NLGN1: variants seen among roughly 807,000 people sequenced by gnomAD.
NLGN1 encodes neuroligin-1.
Under a neutral mutation model 65.5 loss-of-function variants are expected in NLGN1, and 12 were observed. The ratio of observed to expected loss-of-function variants is 0.18; its 90% CI spans 0.12 to 0.30. NLGN1 has a LOEUF of 0.30. NLGN1 is among the 10% of genes least tolerant of loss of function. The probability of loss-of-function intolerance (pLI) is 1.00; values close to 1 mark genes in which losing one functional copy is unlikely to be tolerated. For synonymous variants in NLGN1, 350 were observed against 359.5 expected (o/e 0.97, Z 0.30); for missense variants, 750 against 1,007.1 (o/e 0.74, Z 3.46).
intron 4 of NLGN1, among the ~76,000 whole-genome samples, chr3:174,169,332 A>G (rs1240729438): frequency 6.6e-6 from 1 of 152,096 alleles, no homozygotes; most frequent in East Asian, 1.9e-4. Context: ...CACCACATCT[A>G]TGCTTAGGAA....
At chr3:173,946,591 A>G (rs1389006354) in intron 4 of NLGN1, among the ~76,000 whole-genome samples, 2 of 152,198 alleles carry the variant, frequency 1.3e-5, no homozygotes, top group Non-Finnish European at 1.5e-5. Context: ...TTTTTAGTAT[A>G]GATACCTAGC....
At chr3:173,778,549 A>G (rs1578387787) in intron 3 of NLGN1, among the ~76,000 whole-genome samples, 1 of 151,992 alleles carries the variant, frequency 6.6e-6, no homozygotes. Flanking sequence ...TTAAAAATGA[A>G]TTTTTGCCAT....
At chr3:174,131,706 C>T (rs1360569243) in intron 4 of NLGN1, among the ~76,000 whole-genome samples, 1 of 152,144 alleles carries the variant, frequency 6.6e-6, no homozygotes, top group Non-Finnish European at 1.5e-5. Flanking sequence ...CACTACCTTT[C>T]AGGGTGGCTA....
chr3:174,181,562 T>TA (rs1561232146), intron 4 of NLGN1, among the ~76,000 whole-genome samples: 1 of 152,120 alleles, frequency 6.6e-6, no homozygotes, highest in East Asian at 1.9e-4. Flanking sequence ...GAAGAGAGCC[T>TA]GCCCTGCAGA....
At chr3:173,419,006 G>T in intron 1 of NLGN1, among the ~76,000 whole-genome samples, 1 of 25,616 alleles carries the variant, frequency 3.9e-5, no homozygotes, top group African/African-American at 1.7e-4. Flanking sequence ...CTGTTCTTTA[G>T]CTTTCTTCTT....
intron 2 of NLGN1, among the ~76,000 whole-genome samples, chr3:173,573,542 T>C (rs1449964487): frequency 6.7e-6 from 1 of 149,126 alleles, no homozygotes; most frequent in Non-Finnish European, 1.5e-5. Flanking sequence ...ATTTATAATA[T>C]AATTATGTAT....
chr3:174,145,344 CT>C (rs1361757762), intron 4 of NLGN1, among the ~76,000 whole-genome samples: 1 of 151,926 alleles, frequency 6.6e-6, no homozygotes, highest in Admixed American at 6.6e-5. Flanking sequence ...GAAAACCCTT[CT>C]CTACTAAAAA....
chr3:173,764,368 C>T (rs1167477366), intron 3 of NLGN1, among the ~76,000 whole-genome samples: 1 of 152,112 alleles, frequency 6.6e-6, no homozygotes, highest in Non-Finnish European at 1.5e-5. Flanking sequence ...CAGACTAACG[C>T]TATGTTCAGA....
intron 2 of NLGN1, among the ~76,000 whole-genome samples, chr3:173,478,295 T>C (rs916530615): frequency 6.6e-6 from 1 of 151,968 alleles, no homozygotes; most frequent in African/African-American, 2.4e-5. Flanking sequence ...AGCAAACTAA[T>C]GCAAGAATAG....
At chr3:173,503,437 C>T (rs1731486733) in intron 2 of NLGN1, among the ~76,000 whole-genome samples, 1 of 152,046 alleles carries the variant, frequency 6.6e-6, no homozygotes, top group African/African-American at 2.4e-5. Flanking sequence ...AAACACTGAA[C>T]AGCATGAGAT....
intron 4 of NLGN1, among the ~76,000 whole-genome samples, chr3:173,933,944 T>C (rs1744593550): frequency 6.6e-6 from 1 of 151,930 alleles, no homozygotes; most frequent in African/African-American, 2.4e-5. Context: ...TGAATAAGGA[T>C]GTTCTATTAA....
At chr3:174,212,091 G>A (rs976996673) in intron 4 of NLGN1, among the ~76,000 whole-genome samples, 8 of 152,198 alleles carry the variant, frequency 5.3e-5, no homozygotes, top group African/African-American at 1.9e-4. Flanking sequence ...CAGGCATGGC[G>A]GGCTGCAGGT....
At chr3:173,924,486 C>T (rs1471706507) in intron 4 of NLGN1, among the ~76,000 whole-genome samples, 1 of 151,576 alleles carries the variant, frequency 6.6e-6, no homozygotes, top group Non-Finnish European at 1.5e-5. Context: ...CCTTCAGAGT[C>T]AATTAGGTAT....
At chr3:173,779,741 A>G (rs1370063402) in intron 3 of NLGN1, among the ~76,000 whole-genome samples, 1 of 152,150 alleles carries the variant, frequency 6.6e-6, no homozygotes, top group Admixed American at 6.5e-5. Flanking sequence ...TGTGTTTCAG[A>G]TAAGTGGATT....
chr3:174,224,824 T>C (rs952459196), intron 4 of NLGN1, among the ~76,000 whole-genome samples: 9 of 152,188 alleles, frequency 5.9e-5, no homozygotes, highest in African/African-American at 2.2e-4. Context: ...ACTGAAATAC[T>C]TTTCCAGAAT....
chr3:173,752,901 A>G (rs2150163725), intron 3 of NLGN1, among the ~76,000 whole-genome samples: 1 of 152,204 alleles, frequency 6.6e-6, no homozygotes, highest in Non-Finnish European at 1.5e-5. Context: ...AGAAGCAATT[A>G]TAGGGAATGT....
intron 4 of NLGN1, among the ~76,000 whole-genome samples, chr3:174,120,516 A>G (rs1220497451): frequency 6.6e-6 from 1 of 151,182 alleles, no homozygotes; most frequent in South Asian, 2.1e-4. Context: ...CAAAAAAAAA[A>G]TAAAAATAAA....
intron 3 of NLGN1, among the ~76,000 whole-genome samples, chr3:173,707,023 T>G (rs1768146607): frequency 6.6e-6 from 1 of 152,362 alleles, no homozygotes; most frequent in East Asian, 1.9e-4. Context: ...TTTATAGAAC[T>G]TATATGGTGC....
intron 3 of NLGN1, 65 bp downstream of exon 3, chr3:173,605,658 C>G: frequency 1.4e-6 from 1 of 739,296 alleles, no homozygotes; most frequent in Admixed American, 2.5e-5. Context: ...AAGATACTCT[C>G]CCTAAGGATG....
Sources: gnomAD v4.1 joint callset for allele counts (sites outside exome capture counted in the v4.1 genomes callset) on GRCh38, gnomAD v4.1.1 for gene constraint, MANE v1.5 for transcripts, NCBI Gene and HGNC (gene_info 2026-07-23, HGNC 2026-07-21) for gene names.